The following URI1 variants were observed in gnomAD, a reference collection of about 807,000 sequenced individuals.
URI1 encodes the protein URI1 prefoldin like chaperone, also known as unconventional prefoldin RPB5 interactor 1.
URI1 carries 39 observed loss-of-function variants against 60.2 expected under a neutral mutation model. That is an observed-to-expected ratio of 0.65 (90% CI 0.50 to 0.85). The LOEUF is 0.85. Ranked by LOEUF, URI1 falls within the 40% of genes least tolerant of loss-of-function variation. The pLI, the probability that URI1 is intolerant of heterozygous loss-of-function variation, is 0.00. For synonymous variants in URI1, 251 were observed against 236.8 expected (o/e 1.06, Z -0.55); for missense variants, 691 against 665.9 (o/e 1.04, Z -0.42).
Position 29,997,580 on chromosome 19 carries a change from CT to C in URI1, c.368-7778del, listed in dbSNP as rs551984172. Among the ~76,000 whole-genome samples the C allele has an allele frequency of 2.6e-4, 40 of 151,996 alleles. 1 individual carries two copies. In the South Asian group the frequency reaches 8.3e-3, roughly 32 times the overall value. On this transcript the variant is annotated intron_variant, in intron 4 of 10. Coordinates refer to ENST00000392271, the MANE Select transcript of URI1 (RefSeq NM_003796.3). ...CTTTGTTATTCCTTTCTTCTGTTAG[CT>C]TTGGGTTCAGTTTACTCTTTCTTTT...
In URI1 at chr19:30,013,332, G is replaced by A. The variant is rs574545237; in HGVS notation, c.1425+801G>A. Among the ~76,000 whole-genome samples the A allele has an allele frequency of 3.3e-4, 50 of 152,172 alleles. 1 individual carries two copies. The South Asian group carries it at 9.9e-3, about 30-fold the overall frequency. ...AAAATTCCATTGCTTTTACTAAATG[G>A]TATTATACTCAGTGTATTAAATGGT... On this transcript the variant is annotated intron_variant, in intron 10 of 10. Transcript: ENST00000392271.
At chr19:29,925,584 G>T (rs1386072542) in intron 1 of URI1, 1 of 152,260 alleles carries the variant, frequency 6.6e-6, no homozygotes, top group Non-Finnish European at 1.5e-5. Flanking sequence ...CCACAGAGAT[G>T]GTGACTTTCC....
At chr19:29,963,389 T>C (rs1360330006) in intron 1 of URI1, among the ~76,000 whole-genome samples, 5 of 152,190 alleles carry the variant, frequency 3.3e-5, no homozygotes, top group Admixed American at 2.6e-4. Flanking sequence ...CTTCTTTTAA[T>C]GCCATTTATT....
intron 1 of URI1, among the ~76,000 whole-genome samples, chr19:29,933,439 A>C (rs1052036071): frequency 1.3e-5 from 2 of 152,180 alleles, no homozygotes. Context: ...TTATTTCTGC[A>C]AAACAGTACT....
chr19:30,012,629 GT>G (rs1671936347), intron 10 of URI1, 98 bp downstream of exon 10: 1 of 1,423,278 alleles, frequency 7.0e-7, no homozygotes, highest in Non-Finnish European at 9.4e-7. Context: ...TTAATTCTAG[GT>G]TTTATACTTT....
At chr19:29,985,098 C>A (rs1291754414) in intron 2 of URI1, 125 bp from the exon 3 acceptor site, 2 of 805,772 alleles carry the variant, frequency 2.5e-6, no homozygotes, top group African/African-American at 4.5e-5. Flanking sequence ...TTAGCCTGGG[C>A]GACGGAGCGA....
intron 4 of URI1, among the ~76,000 whole-genome samples, chr19:29,995,161 A>G (rs1215691510): frequency 6.6e-6 from 1 of 152,160 alleles, no homozygotes; most frequent in Non-Finnish European, 1.5e-5. Context: ...ACCAAAATAC[A>G]AGGAATCCAG....
chr19:29,981,355 A>G (rs1371581254), intron 2 of URI1, among the ~76,000 whole-genome samples: 1 of 152,016 alleles, frequency 6.6e-6, no homozygotes, highest in Non-Finnish European at 1.5e-5. Flanking sequence ...ATTTAACTTG[A>G]TTTCTCTCTT....
At chr19:30,014,752 G>C in intron 10 of URI1, 135 bp from the exon 11 acceptor site, 2 of 691,188 alleles carry the variant, frequency 2.9e-6, no homozygotes, top group African/African-American at 1.8e-5. Flanking sequence ...TTAGTATTTT[G>C]GTGTAGTAGT....
chr19:29,953,907 A>G (rs2055210282), intron 1 of URI1, among the ~76,000 whole-genome samples: 1 of 152,062 alleles, frequency 6.6e-6, no homozygotes, highest in African/African-American at 2.4e-5. Context: ...GAAGGCCTCT[A>G]AGAGAAGATA....
At chr19:29,974,202 A>G (rs2145335062) in intron 2 of URI1, among the ~76,000 whole-genome samples, 1 of 152,262 alleles carries the variant, frequency 6.6e-6, no homozygotes, top group East Asian at 1.9e-4. Flanking sequence ...GTTGTAGTGA[A>G]GATCAAATGA....
chr19:29,960,179 A>T (rs950707724), intron 1 of URI1, among the ~76,000 whole-genome samples: 6 of 152,124 alleles, frequency 3.9e-5, no homozygotes, highest in Non-Finnish European at 7.4e-5. Flanking sequence ...TTGAAATTTA[A>T]GTCTTGCCTT....
chr19:29,928,465 T>C (rs1047552539), intron 1 of URI1, among the ~76,000 whole-genome samples: 1 of 152,096 alleles, frequency 6.6e-6, no homozygotes, highest in Non-Finnish European at 1.5e-5. Flanking sequence ...CTCCCTTCAC[T>C]CAGCTCTCTT....
chr19:29,986,650 C>A (rs2041374014), intron 4 of URI1, among the ~76,000 whole-genome samples: 1 of 152,056 alleles, frequency 6.6e-6, no homozygotes, highest in Non-Finnish European at 1.5e-5. Flanking sequence ...TCAGAAGTTA[C>A]AAAGTTTCAA....
chr19:29,982,771 T>C (rs1053899394), intron 2 of URI1, among the ~76,000 whole-genome samples: 2 of 152,208 alleles, frequency 1.3e-5, no homozygotes, highest in Admixed American at 6.5e-5. Flanking sequence ...TAGTCTTTCT[T>C]GAAAGTTTTG....
rs148342810 is a variant in URI1, at chr19:30,005,690, T to C, written c.499T>C (p.Cys167Arg). The change falls in exon 6 of 11, where the codon TGT (cysteine) becomes CGT (arginine). Residue 167 changes from cysteine to arginine, a missense_variant. Transcript: ENST00000392271. ...TGTTGACATACGAGAAGAAATTAAA[T>C]GTGACTTCGAATTTAAAGGTAAGCA... ...DIVDIREEIK[C>R]DFEFKAKHRI... 6.8e-6 allele frequency: 11 copies of C among 1,611,928 alleles called. No homozygotes were observed. Among genetic ancestry groups the C allele is most frequent in the Non-Finnish European group, 9.3e-6 (11 of 1,179,156 alleles).
chr19:29,986,487 GC>G, intron 4 of URI1, 70 bp downstream of exon 4: 1 of 1,538,440 alleles, frequency 6.5e-7, no homozygotes, highest in Non-Finnish European at 8.7e-7. Context: ...AAGCTGAAGG[GC>G]TGTTTCTTAC....
intron 1 of URI1, among the ~76,000 whole-genome samples, chr19:29,948,945 G>A (rs1182726313): frequency 2.0e-5 from 3 of 151,144 alleles, no homozygotes; most frequent in African/African-American, 4.9e-5. Flanking sequence ...CCTCCCAGAC[G>A]GGACCGCGGC....
At chr19:30,008,600 C>T (rs1337442200) in intron 7 of URI1, among the ~76,000 whole-genome samples, 1 of 151,926 alleles carries the variant, frequency 6.6e-6, no homozygotes, top group Non-Finnish European at 1.5e-5. Context: ...TACAATAATA[C>T]ATGCTCATTG....
Sources: allele counts gnomAD v4.1 joint callset (sites outside exome capture counted in the v4.1 genomes callset), GRCh38; gene constraint gnomAD v4.1.1; transcripts MANE v1.5; gene names NCBI Gene and HGNC (gene_info 2026-07-23, HGNC 2026-07-21).